THSD7A: variants seen among roughly 807,000 people sequenced by gnomAD.
THSD7A encodes the protein thrombospondin type 1 domain containing 7A.
A neutral mutation model predicts 231.3 loss-of-function variants in THSD7A; 96 were observed. That is an observed-to-expected ratio of 0.41 (90% CI 0.35 to 0.49). The LOEUF (loss-of-function observed/expected upper bound fraction) is 0.49, where lower values mean the gene tolerates loss of function less well. Ranked by LOEUF, THSD7A falls within the 20% of genes least tolerant of loss-of-function variation. THSD7A has a pLI of 0.05. For missense variants in THSD7A, 2,290 were observed against 2,070.2 expected (o/e 1.11, Z -2.06); for synonymous variants, 940 against 743.3 (o/e 1.26, Z -4.30).
intron 10 of THSD7A, among the ~76,000 whole-genome samples, chr7:11,461,367 C>T (rs901167100): frequency 1.1e-4 from 16 of 152,140 alleles, no homozygotes; most frequent in African/African-American, 3.4e-4. Context: ...TTTGTGATTA[C>T]ATTTTTCATT....
At chr7:11,528,077 G>A (rs1284838086) in intron 6 of THSD7A, among the ~76,000 whole-genome samples, 3 of 152,120 alleles carry the variant, frequency 2.0e-5, no homozygotes, top group Admixed American at 2.0e-4. Flanking sequence ...TGAGGCAGGA[G>A]GATCATTTGA....
intron 2 of THSD7A, among the ~76,000 whole-genome samples, chr7:11,619,364 A>T (rs373981907): frequency 6.6e-6 from 1 of 151,348 alleles, no homozygotes; most frequent in Non-Finnish European, 1.5e-5. Context: ...ACATTAAAAT[A>T]GCCACATGAA....
At chr7:11,515,797 A>C (rs1288758890) in intron 6 of THSD7A, among the ~76,000 whole-genome samples, 1 of 152,144 alleles carries the variant, frequency 6.6e-6, no homozygotes, top group Non-Finnish European at 1.5e-5. Context: ...TACATACATA[A>C]TATCTTGGTT....
chr7:11,784,597 G>T (rs1783729158), intron 1 of THSD7A, among the ~76,000 whole-genome samples: 1 of 150,966 alleles, frequency 6.6e-6, no homozygotes, highest in Admixed American at 6.6e-5. Context: ...ATTTTTTCTA[G>T]GTTTATTTAT....
At chr7:11,513,607 A>AATAGG (rs986883489) in intron 6 of THSD7A, among the ~76,000 whole-genome samples, 32 of 152,314 alleles carry the variant, frequency 2.1e-4, no homozygotes, top group Non-Finnish European at 4.3e-4. Context: ...ATCCATAAAA[A>AATAGG]ATAGGAAACA....
At chr7:11,553,751 G>A (rs1789727389) in intron 4 of THSD7A, among the ~76,000 whole-genome samples, 1 of 151,908 alleles carries the variant, frequency 6.6e-6, no homozygotes, top group African/African-American at 2.4e-5. Flanking sequence ...TAAAAAATGA[G>A]GCTGATGCAT....
intron 1 of THSD7A, among the ~76,000 whole-genome samples, chr7:11,742,644 C>A (rs1220325359): frequency 6.6e-6 from 1 of 151,840 alleles, no homozygotes; most frequent in East Asian, 2.0e-4. Context: ...AGAAGGAAAA[C>A]CTTTGTGCAT....
chr7:11,557,748 G>GT (rs1789908627), intron 4 of THSD7A, among the ~76,000 whole-genome samples: 1 of 152,086 alleles, frequency 6.6e-6, no homozygotes. Flanking sequence ...GTGTGTACTG[G>GT]TTGCCTAATT....
intron 2 of THSD7A, among the ~76,000 whole-genome samples, chr7:11,606,289 A>G (rs756320700): frequency 6.6e-6 from 1 of 152,110 alleles, no homozygotes; most frequent in South Asian, 2.1e-4. Context: ...GCACAGTAAG[A>G]CCATGTCACT....
At chr7:11,436,760 G>C (rs534399170) in intron 13 of THSD7A, among the ~76,000 whole-genome samples, 103 of 151,628 alleles carry the variant, frequency 6.8e-4, no homozygotes, top group African/African-American at 2.4e-3. Flanking sequence ...AAAAGCTTAA[G>C]ATAGTTTCTT....
intron 2 of THSD7A, among the ~76,000 whole-genome samples, chr7:11,630,115 C>T (rs1201872035): frequency 2.0e-5 from 3 of 152,142 alleles, no homozygotes; most frequent in Non-Finnish European, 2.9e-5. Context: ...TGTTATAAAG[C>T]AAATGCTTTA....
chr7:11,573,154 C>T (rs4720995), intron 4 of THSD7A, among the ~76,000 whole-genome samples: 5,429 of 152,248 alleles, frequency 0.036, 190 homozygotes, highest in African/African-American at 0.089. Context: ...TTCACTCTCA[C>T]AGGGCTGGAG....
intron 2 of THSD7A, among the ~76,000 whole-genome samples, chr7:11,625,873 A>G (rs773686527): frequency 2.6e-4 from 39 of 152,108 alleles, no homozygotes; most frequent in Non-Finnish European, 5.9e-5. Context: ...AATGAAAACA[A>G]TGGGTAAGAT....
intron 11 of THSD7A, among the ~76,000 whole-genome samples, chr7:11,458,107 G>GA (rs1785369032): frequency 6.6e-6 from 1 of 152,058 alleles, no homozygotes; most frequent in Non-Finnish European, 1.5e-5. Context: ...TGCTAGGGGG[G>GA]ACAGAGAGCA....
chr7:11,768,773 T>G (rs1362716741), intron 1 of THSD7A, among the ~76,000 whole-genome samples: 1 of 152,124 alleles, frequency 6.6e-6, no homozygotes, highest in East Asian at 1.9e-4. Context: ...AATGCATTGT[T>G]TTTGAAGCCT....
At chr7:11,770,013 G>C (rs1166106122) in intron 1 of THSD7A, among the ~76,000 whole-genome samples, 1 of 151,914 alleles carries the variant, frequency 6.6e-6, no homozygotes, top group Non-Finnish European at 1.5e-5. Flanking sequence ...AGCTGGCTTT[G>C]AATAGTGGTG....
At chr7:11,694,576 A>G (rs528452883) in intron 1 of THSD7A, among the ~76,000 whole-genome samples, 6 of 151,670 alleles carry the variant, frequency 4.0e-5, no homozygotes, top group African/African-American at 1.4e-4. Flanking sequence ...CCAAATCAAT[A>G]TAAGGTAGTG....
At chr7:11,484,652 C>A (rs1205834994) in intron 6 of THSD7A, among the ~76,000 whole-genome samples, 2 of 152,058 alleles carry the variant, frequency 1.3e-5, no homozygotes, top group Middle Eastern at 3.2e-3. Context: ...ACGTAGGAAG[C>A]ACTAAATCAT....
chr7:11,379,533 A>C (rs1782424942), intron 25 of THSD7A, 97 bp downstream of exon 25: 2 of 1,218,402 alleles, frequency 1.6e-6, no homozygotes, highest in Non-Finnish European at 1.2e-6. Flanking sequence ...TTTATGCCTC[A>C]AGACATGCTT....
Sources: gnomAD v4.1 joint callset for allele counts (sites outside exome capture counted in the v4.1 genomes callset) on GRCh38, gnomAD v4.1.1 for gene constraint, MANE v1.5 for transcripts, NCBI Gene and HGNC (gene_info 2026-07-23, HGNC 2026-07-21) for gene names.